The following CCN5 variants were observed in gnomAD, a reference collection of about 807,000 sequenced individuals.
CCN5 encodes the protein CCN family member 5.
A neutral mutation model predicts 18.7 loss-of-function variants in CCN5; 17 were observed. The ratio of observed to expected loss-of-function variants is 0.91; its 90% CI spans 0.62 to 1.36. CCN5 has a LOEUF of 1.36. Among genes scored for constraint, CCN5 ranks in the 40% most tolerant of loss-of-function variants. The pLI is 0.00. For synonymous variants in CCN5, 135 were observed against 145.2 expected (o/e 0.93, Z 0.50); for missense variants, 367 against 342.9 (o/e 1.07, Z -0.56).
intron 1 of CCN5, among the ~76,000 whole-genome samples, chr20:44,719,629 T>C (rs2065883400): frequency 6.6e-6 from 1 of 152,122 alleles, no homozygotes; most frequent in South Asian, 2.1e-4. Context: ...CACTCCAGCC[T>C]GGGCAACAGA....
intron 1 of CCN5, 61 bp from the exon 2 acceptor site, chr20:44,719,836 T>C: frequency 6.5e-7 from 1 of 1,537,418 alleles, no homozygotes; most frequent in African/African-American, 1.4e-5. Context: ...AGTGGCTGGT[T>C]GTGAGGGTCT....
In CCN5 at chr20:44,727,129, TC is replaced by T; in HGVS notation, c.579del (p.Cys194AlafsTer108). ...CTTGTCTCTTCCCTGCCCCCTGGTG[TC>T]CCCTGCCCAGAATGGAGCACGGCCT... ...SGLVSSLPPG[V>X]PCPEWSTAWG... On this transcript the variant is annotated frameshift_variant, in exon 4 of 4. Transcript: ENST00000190983. LOFTEE classifies it low-confidence loss of function (END_TRUNC). 6.2e-7 allele frequency: 1 copy of T among 1,608,434 alleles called. No individual in the cohort carries two copies. The highest frequency in any genetic ancestry group is 8.5e-7 in the Non-Finnish European group (1 of 1,176,618).
At chr20:44,720,998 G>C (rs553534462) in intron 2 of CCN5, 8 of 152,222 alleles carry the variant, frequency 5.3e-5, no homozygotes, top group South Asian at 2.1e-4. Flanking sequence ...ATTTCCCCAG[G>C]GGGCAAAATC....
At chr20:44,720,190 A>T (rs1012698729) in intron 2 of CCN5, 77 bp downstream of exon 2, 2 of 1,433,498 alleles carry the variant, frequency 1.4e-6, no homozygotes, top group Non-Finnish European at 1.9e-6. Context: ...ATCAAAGTGC[A>T]GCCCTCCTCT....
chr20:44,724,628 G>T lies in CCN5; in HGVS notation c.278-110G>T, dbSNP rs1472803093. The T allele has an allele frequency of 3.9e-6, 6 of 1,525,566 alleles. No homozygotes were observed. The African/African-American group carries it at 8.4e-5, about 21-fold the overall frequency. The allele number at this position is 1,525,566 out of a possible 1,614,324, so 94.5% of individuals were successfully genotyped here. A position where few individuals can be genotyped will look rare whatever the true frequency, so the allele number is the denominator to read the frequency against. ...ATCCTGGGCTGGAGCCCTGGGCAGG[G>T]CCCAGCTACTGTGAGGCAGCTGCCT... On this transcript the variant is annotated intron_variant, in intron 2 of 3. Coordinates refer to ENST00000190983, the MANE Select transcript of CCN5 (RefSeq NM_003881.4).
upstream of CCN5, chr20:44,715,110 A>ACG: frequency 2.2e-6 from 1 of 450,246 alleles, no homozygotes; most frequent in Non-Finnish European, 4.1e-6. Context: ...ACACACACAC[A>ACG]CACACACACG....
chr20:44,725,068 G>C (rs6094028), intron 3 of CCN5, 76 bp downstream of exon 3: 1,438,934 of 1,440,048 alleles, frequency 1, 718,919 homozygotes, highest in East Asian at 1. Flanking sequence ...TGGGGTGGGG[G>C]GCGGCTTCCT....
intron 2 of CCN5, chr20:44,724,530 T>C: frequency 1.4e-6 from 1 of 700,118 alleles, no homozygotes; most frequent in Non-Finnish European, 2.3e-6. Flanking sequence ...AATCCAGGCC[T>C]GTCTTCTTGC....
upstream of CCN5, chr20:44,715,299 G>T (rs2065851385): frequency 1.7e-6 from 2 of 1,202,766 alleles, no homozygotes; most frequent in East Asian, 5.1e-5. Flanking sequence ...TCGTGCGTGT[G>T]CCTGTGTGTG....
At chr20:44,718,280 T>C (rs1336624273) in intron 1 of CCN5, among the ~76,000 whole-genome samples, 1 of 152,008 alleles carries the variant, frequency 6.6e-6, no homozygotes, top group Admixed American at 6.6e-5. Flanking sequence ...TGCAGGATTG[T>C]GGGTAGTGGG....
chr20:44,715,315 G>C (rs1201847114), upstream of CCN5: 1 of 1,450,482 alleles, frequency 6.9e-7, no homozygotes, highest in Admixed American at 2.0e-5. Context: ...GTGTGCCTGG[G>C]AGTGACCTCA....
chr20:44,725,090 C>A, intron 3 of CCN5, 98 bp downstream of exon 3: 1 of 1,394,572 alleles, frequency 7.2e-7, no homozygotes, highest in Non-Finnish European at 9.4e-7. Flanking sequence ...GGTACCAGGA[C>A]CCAGGGACAC....
intron 1 of CCN5, among the ~76,000 whole-genome samples, chr20:44,719,276 T>C (rs1234827673): frequency 6.6e-6 from 1 of 152,198 alleles, no homozygotes; most frequent in Non-Finnish European, 1.5e-5. Context: ...AGCAATCCTC[T>C]GAGTTAGATA....
chr20:44,717,554 T>A (rs2065868124), intron 1 of CCN5, among the ~76,000 whole-genome samples: 1 of 152,164 alleles, frequency 6.6e-6, no homozygotes, highest in African/African-American at 2.4e-5. Context: ...CTAGACCGTT[T>A]CTATGTGAAT....
At chr20:44,722,713 A>G (rs1368516560) in intron 2 of CCN5, among the ~76,000 whole-genome samples, 1 of 151,822 alleles carries the variant, frequency 6.6e-6, no homozygotes, top group Non-Finnish European at 1.5e-5. Flanking sequence ...ACCTCAAGTG[A>G]TCCACCCGCC....
At chr20:44,719,819 G>A in intron 1 of CCN5, 78 bp from the exon 2 acceptor site, 1 of 1,456,724 alleles carries the variant, frequency 6.9e-7, no homozygotes. Context: ...ACCCAGCCTG[G>A]CAGAGAAGTG....
chr20:44,724,976 G>C lies in CCN5; in HGVS notation c.516G>C (p.Gln172His). ...GCCAAGGAGGGGGACTGGGGACCCAGCCCCTTCCAGCCCAAGGTGAGCGCA... is the reference window on the plus strand; with the variant it reads ...GCCAAGGAGGGGGACTGGGGACCCACCCCCTTCCAGCCCAAGGTGAGCGCA... Reference protein sequence around the residue: ...VCGQGGGLGTQPLPAQGPQFS... With the variant: ...VCGQGGGLGTHPLPAQGPQFS... Residue 172 changes from glutamine to histidine, a missense_variant, in exon 3 of 4, where the codon CAG becomes CAC. Physicochemically the swap from Gln to His is conservative, Grantham distance 24. Coordinates refer to ENST00000190983, the MANE Select transcript of CCN5 (RefSeq NM_003881.4). 1 of 1,585,402 alleles carries C rather than the reference G, an allele frequency of 6.3e-7. No homozygotes were observed. Among genetic ancestry groups the C allele is most frequent in the South Asian group, 1.1e-5 (1 of 87,098 alleles).
At position 44,715,556 on chromosome 20, in the gene CCN5, C is replaced by A; in HGVS notation, c.60+106C>A. The A allele has an allele frequency of 4.7e-6, 6 of 1,264,628 alleles. No homozygotes were observed. In the Admixed American group the frequency reaches 1.0e-4, roughly 21 times the overall value. 78.3% of individuals were successfully genotyped at this position (1,264,628 alleles called of 1,614,324 possible). ...CCCCCTTGGCAGAATTCCTCCAGGG[C>A]CCCACATTGGGCACAGTCTGGCCCC... is the stretch of plus-strand genomic sequence containing the variant. On this transcript the variant is annotated intron_variant, in intron 1 of 3. Coordinates refer to ENST00000190983, the MANE Select transcript of CCN5 (RefSeq NM_003881.4).
Sources: allele counts gnomAD v4.1 joint callset (sites outside exome capture counted in the v4.1 genomes callset), GRCh38; gene constraint gnomAD v4.1.1; transcripts MANE v1.5; gene names NCBI Gene and HGNC (gene_info 2026-07-23, HGNC 2026-07-21).